MSI2: variants seen among roughly 807,000 people sequenced by gnomAD.
MSI2 encodes the protein musashi RNA binding protein 2, also known as RNA-binding protein Musashi homolog 2.
A neutral mutation model predicts 45.6 loss-of-function variants in MSI2; 17 were observed. That is an observed-to-expected ratio of 0.37 (90% CI 0.26 to 0.56). The LOEUF is 0.56. Among genes scored for constraint, MSI2 ranks in the 20% least tolerant of loss-of-function variants. The pLI, the probability that MSI2 is intolerant of heterozygous loss-of-function variation, is 0.77. For missense variants in MSI2, 293 were observed against 444.2 expected (o/e 0.66, Z 3.06); for synonymous variants, 156 against 158.2 (o/e 0.99, Z 0.11).
intron 7 of MSI2, among the ~76,000 whole-genome samples, chr17:57,585,234 A>G (rs2088315213): frequency 6.6e-6 from 1 of 152,228 alleles, no homozygotes; most frequent in Non-Finnish European, 1.5e-5. Context: ...AGCACCATGA[A>G]CATCTGCCTT....
At chr17:57,282,117 C>A (rs1909474600) in intron 5 of MSI2, among the ~76,000 whole-genome samples, 1 of 152,150 alleles carries the variant, frequency 6.6e-6, no homozygotes, top group African/African-American at 2.4e-5. Context: ...TGTACCCTTG[C>A]TTTATGACCT....
chr17:57,657,533 G>A (rs1402257206), intron 11 of MSI2, among the ~76,000 whole-genome samples: 1 of 152,214 alleles, frequency 6.6e-6, no homozygotes, highest in Non-Finnish European at 1.5e-5. Context: ...AATTCTAAGA[G>A]CTCCAGTTCC....
chr17:57,345,706 C>G (rs1019007489), intron 5 of MSI2, among the ~76,000 whole-genome samples: 3 of 151,508 alleles, frequency 2.0e-5, no homozygotes, highest in Non-Finnish European at 4.4e-5. Context: ...GTAATCCCAG[C>G]TACTCGGGAG....
At chr17:57,602,042 G>A (rs1276382928) in intron 8 of MSI2, 1 of 152,148 alleles carries the variant, frequency 6.6e-6, no homozygotes, top group African/African-American at 2.4e-5. Flanking sequence ...TATATGATGA[G>A]TGAATATCAA....
chr17:57,496,647 G>T (rs75428450), intron 6 of MSI2, among the ~76,000 whole-genome samples: 3 of 152,196 alleles, frequency 2.0e-5, no homozygotes, highest in Non-Finnish European at 2.9e-5. Context: ...CGCAGGAGGC[G>T]GGAGTGTTGC....
intron 6 of MSI2, among the ~76,000 whole-genome samples, chr17:57,404,741 C>T (rs1250966463): frequency 6.6e-6 from 1 of 152,054 alleles, no homozygotes; most frequent in Admixed American, 6.5e-5. Flanking sequence ...AGGGGCTGAG[C>T]TAAGGGAGTT....
intron 9 of MSI2, among the ~76,000 whole-genome samples, chr17:57,624,605 T>A (rs1908623911): frequency 6.6e-6 from 1 of 152,188 alleles, no homozygotes; most frequent in Admixed American, 6.5e-5. Context: ...TCTGCCTCGC[T>A]TGGGCAGGCT....
chr17:57,533,790 A>G (rs1334529277), intron 7 of MSI2, among the ~76,000 whole-genome samples: 2 of 152,202 alleles, frequency 1.3e-5, no homozygotes, highest in East Asian at 3.9e-4. Context: ...TGATGCCTGC[A>G]CGCTGGCCTG....
chr17:57,405,308 C>G (rs2084062857), intron 6 of MSI2, among the ~76,000 whole-genome samples: 1 of 152,180 alleles, frequency 6.6e-6, no homozygotes, highest in African/African-American at 2.4e-5. Flanking sequence ...CAGCCATCAC[C>G]AGCAGGTAAA....
intron 5 of MSI2, among the ~76,000 whole-genome samples, chr17:57,348,551 A>T (rs1403107744): frequency 6.6e-6 from 1 of 152,146 alleles, no homozygotes. Context: ...CTGGTTGTTT[A>T]AAAAGCCTGG....
chr17:57,524,443 T>A (rs1432544448), intron 6 of MSI2, among the ~76,000 whole-genome samples: 2 of 152,248 alleles, frequency 1.3e-5, no homozygotes, highest in Non-Finnish European at 2.9e-5. Context: ...CATACATGCA[T>A]GTTGCATAAA....
chr17:57,603,515 C>G (rs2144499155), intron 8 of MSI2, among the ~76,000 whole-genome samples: 1 of 152,348 alleles, frequency 6.6e-6, no homozygotes, highest in East Asian at 1.9e-4. Flanking sequence ...TAAAGCTCTG[C>G]TTTGATACCT....
At chr17:57,616,150 T>G (rs557036543) in intron 9 of MSI2, 66 bp downstream of exon 9, 49 of 1,258,920 alleles carry the variant, frequency 3.9e-5, no homozygotes, top group Non-Finnish European at 5.4e-5. Context: ...TACTCCCAAC[T>G]GGGTCACCTA....
rs765039915 is a variant in MSI2, at chr17:57,648,132, C to CGTGTGTGTGT, written c.728-3926_728-3917dup. Among the ~76,000 whole-genome samples the CGTGTGTGTGT allele has an allele frequency of 2.6e-3, 303 of 116,240 alleles. 1 individual carries two copies. Among genetic ancestry groups the CGTGTGTGTGT allele is most frequent in the East Asian group, 4.2e-3 (15 of 3,596 alleles). 76.3% of individuals were successfully genotyped at this position (116,240 alleles called of 152,430 possible). On this transcript the variant is annotated intron_variant, in intron 10 of 13. Transcript: ENST00000284073. ...CATGCACCACCATGCCTGGCTAATTCGTGTGTGTGTGTGTGTGTGTGTGTG... is the reference window on the plus strand; with the variant it reads ...CATGCACCACCATGCCTGGCTAATTCGTGTGTGTGTGTGTGTGTGTGTGTGTGTGTGTGTG...
In MSI2 at chr17:57,280,286, C is replaced by A. The variant is rs1440760973; in HGVS notation, c.312+18094C>A. On this transcript the variant is annotated intron_variant, in intron 5 of 13. Transcript: ENST00000284073. This position sits in a 1 kb window ranked among gnomAD's most constrained non-coding sequence, Gnocchi z 4.2. ...ATGGGATGGGAAATGATCAGGTTTG[C>A]GTTTTGAAAATATCTCTCTGACAGT... is the stretch of plus-strand genomic sequence containing the variant. Among the ~76,000 whole-genome samples, 2 of 152,070 alleles carry A rather than the reference C, an allele frequency of 1.3e-5. No individual in the cohort carries two copies. Among genetic ancestry groups the A allele is most frequent in the Non-Finnish European group, 2.9e-5 (2 of 68,012 alleles).
intron 6 of MSI2, among the ~76,000 whole-genome samples, chr17:57,462,496 T>G (rs528509165): frequency 2.0e-5 from 3 of 152,254 alleles, no homozygotes; most frequent in Admixed American, 6.5e-5. Context: ...AAAACTTTTC[T>G]TCTGGAACAT....
chr17:57,290,195 C>G (rs772552909), intron 5 of MSI2, among the ~76,000 whole-genome samples: 56 of 152,208 alleles, frequency 3.7e-4, no homozygotes, highest in Non-Finnish European at 7.8e-4. Flanking sequence ...AGTACCTACT[C>G]TGGGGTCATC....
chr17:57,378,989 G>C (rs1470414916), intron 5 of MSI2, among the ~76,000 whole-genome samples: 4 of 152,060 alleles, frequency 2.6e-5, no homozygotes, highest in African/African-American at 7.2e-5. Context: ...TGCGTGTGGG[G>C]TCTGCAGTCC....
Position 57,552,491 on chromosome 17 carries a change from G to A in MSI2, c.454+22767G>A, listed in dbSNP as rs573978435. On this transcript the variant is annotated intron_variant, in intron 7 of 13. Coordinates refer to ENST00000284073, the MANE Select transcript of MSI2 (RefSeq NM_138962.4). The surrounding 1 kb of genome is among the most constrained non-coding windows in gnomAD (Gnocchi z 4.3). The stretch of plus-strand genomic sequence containing the variant: ...GTAGCAGGGCCAGACGCTAGGTGTC[G>A]CCGTCCTGGACCTGCCTCCATCCCC... 2.9e-4 allele frequency among the ~76,000 whole-genome samples: 44 copies of A among 152,242 alleles called. No homozygotes were observed. The South Asian group carries it at 5.8e-3, about 20-fold the overall frequency.
Sources: gnomAD v4.1 joint callset for allele counts (sites outside exome capture counted in the v4.1 genomes callset) on GRCh38, gnomAD v4.1.1 for gene constraint, Gnocchi (gnomAD v3.1) non-coding constraint, MANE v1.5 for transcripts, NCBI Gene and HGNC (gene_info 2026-07-23, HGNC 2026-07-21) for gene names.